WASL: variants seen among roughly 807,000 people sequenced by gnomAD.
WASL encodes actin nucleation-promoting factor WASL.
In WASL, 20 loss-of-function variants were observed where a neutral mutation model predicts 55.5. That is an observed-to-expected ratio of 0.36 (90% CI 0.25 to 0.52). The LOEUF is 0.52. Among genes scored for constraint, WASL ranks in the 20% least tolerant of loss-of-function variants. WASL has a pLI of 0.92. For synonymous variants in WASL, 249 were observed against 217.6 expected, an observed-to-expected ratio of 1.14 and a Z score of -1.27; for missense variants, 504 against 622.5, an observed-to-expected ratio of 0.81 and a Z score of 2.03.
intron 1 of WASL, among the ~76,000 whole-genome samples, chr7:123,724,576 C>G (rs952913314): frequency 6.6e-6 from 1 of 152,172 alleles, no homozygotes; most frequent in Non-Finnish European, 1.5e-5. Flanking sequence ...GCCACATGCT[C>G]TTGAACTGTT....
chr7:123,730,636 A>G (rs1584871489), intron 1 of WASL, among the ~76,000 whole-genome samples: 1 of 152,320 alleles, frequency 6.6e-6, no homozygotes, highest in Non-Finnish European at 1.5e-5. Context: ...TGGGAGAAAA[A>G]GAAAAGACTA....
chr7:123,722,367 C>T (rs1235211658), intron 1 of WASL, among the ~76,000 whole-genome samples: 1 of 152,122 alleles, frequency 6.6e-6, no homozygotes, highest in South Asian at 2.1e-4. Flanking sequence ...TTTAAAGAAT[C>T]GTATTTATTC....
chr7:123,748,089 C>A (rs1804469316), intron 1 of WASL, among the ~76,000 whole-genome samples: 2 of 151,374 alleles, frequency 1.3e-5, no homozygotes, highest in African/African-American at 4.9e-5. Context: ...TTCTTGCACC[C>A]TCTCTAATCC....
At chr7:123,724,646 ATTGAAC>A (rs1315972588) in intron 1 of WASL, among the ~76,000 whole-genome samples, 20 of 152,176 alleles carry the variant, frequency 1.3e-4, no homozygotes, top group Non-Finnish European at 2.5e-4. Context: ...CATTTGCCGG[ATTGAAC>A]TGAGAGGGGT....
At chr7:123,694,606 A>T in intron 8 of WASL, 109 bp downstream of exon 8, 1 of 1,174,230 alleles carries the variant, frequency 8.5e-7, no homozygotes, top group Non-Finnish European at 1.2e-6. Context: ...CATAGACTTC[A>T]ACATTCTGCT....
At chr7:123,716,688 G>A (rs1803848106) in intron 1 of WASL, among the ~76,000 whole-genome samples, 1 of 151,938 alleles carries the variant, frequency 6.6e-6, no homozygotes. Flanking sequence ...AGGAAGGAAG[G>A]GGGAGAGAAA....
At chr7:123,696,519 T>G in intron 6 of WASL, 60 bp downstream of exon 6, 1 of 1,412,842 alleles carries the variant, frequency 7.1e-7, no homozygotes, top group Non-Finnish European at 9.3e-7. Context: ...AAGTTAAAAA[T>G]CAAGAACAGC....
At chr7:123,704,698 T>G (rs780547299) in intron 4 of WASL, 41 bp from the exon 5 acceptor site, 1 of 1,279,206 alleles carries the variant, frequency 7.8e-7, no homozygotes, top group East Asian at 2.7e-5. Flanking sequence ...TAAATATATG[T>G]AAGACAACAT....
Position 123,709,301 on chromosome 7 carries a change from G to A in WASL, c.118-78C>T, listed in dbSNP as rs1354663871. ...CATAGCCCCTGCTGACAGCTTGACC[G>A]CAACCACCCAGCTAAGCTGCTCCTA... On this transcript the variant is annotated intron_variant, in intron 1 of 10. Coordinates refer to ENST00000223023, the MANE Select transcript of WASL (RefSeq NM_003941.4). 44 of 1,259,060 alleles carry A rather than the reference G, an allele frequency of 3.5e-5. No individual in the cohort carries two copies. The South Asian group carries it at 5.0e-4, about 14-fold the overall frequency. 78.0% of individuals were successfully genotyped at this position (1,259,060 alleles called of 1,614,324 possible).
chr7:123,695,680 A>T, intron 7 of WASL, 143 bp downstream of exon 7: 1 of 701,746 alleles, frequency 1.4e-6, no homozygotes, highest in Non-Finnish European at 2.3e-6. Context: ...ATATGGTTTT[A>T]AACCTCAGTT....
At chr7:123,745,427 T>C (rs183531329) in intron 1 of WASL, among the ~76,000 whole-genome samples, 12 of 152,294 alleles carry the variant, frequency 7.9e-5, no homozygotes, top group Admixed American at 5.9e-4. Context: ...AGTTGTGAAA[T>C]GTACACTGGT....
At chr7:123,694,688 A>G in intron 8 of WASL, 27 bp downstream of exon 8, 1 of 1,609,046 alleles carries the variant, frequency 6.2e-7, no homozygotes, top group Non-Finnish European at 8.5e-7. Context: ...AAAACAAAAC[A>G]GAACGCTGAA....
chr7:123,722,358 T>C (rs1262174711), intron 1 of WASL, among the ~76,000 whole-genome samples: 1 of 152,116 alleles, frequency 6.6e-6, no homozygotes, highest in Non-Finnish European at 1.5e-5. Flanking sequence ...TAAAAATAAT[T>C]TAAAGAATCG....
At chr7:123,737,622 C>T (rs543821545) in intron 1 of WASL, among the ~76,000 whole-genome samples, 1 of 135,476 alleles carries the variant, frequency 7.4e-6, no homozygotes, top group South Asian at 2.5e-4. Context: ...AAAAGCATTT[C>T]ATATGGGAGA....
Position 123,723,987 on chromosome 7 carries a change from T to C in WASL, c.118-14764A>G, listed in dbSNP as rs538549404. ...TGAGAAATGACACACTTTTTCATTA[T>C]ATGTATATGCTGTTATATACAAGTA... On this transcript the variant is annotated intron_variant, in intron 1 of 10. Transcript: ENST00000223023. 1.9e-4 allele frequency among the ~76,000 whole-genome samples: 29 copies of C among 152,350 alleles called. No homozygotes were observed. In the Middle Eastern group the frequency reaches 0.01, roughly 54 times the overall value.
chr7:123,696,357 G>C (rs1431913393), intron 6 of WASL, among the ~76,000 whole-genome samples: 1 of 148,824 alleles, frequency 6.7e-6, no homozygotes, highest in Non-Finnish European at 1.5e-5. Context: ...TTTTCTCATA[G>C]TTGAAAAAGT....
intron 1 of WASL, among the ~76,000 whole-genome samples, chr7:123,736,740 A>C (rs1247977719): frequency 1.3e-5 from 2 of 152,242 alleles, no homozygotes; most frequent in Non-Finnish European, 2.9e-5. Context: ...GAAGAAAACA[A>C]GACAAATAAT....
intron 1 of WASL, among the ~76,000 whole-genome samples, chr7:123,732,998 T>C (rs761092373): frequency 1.3e-5 from 2 of 152,012 alleles, no homozygotes; most frequent in Non-Finnish European, 2.9e-5. Context: ...ATCTCAAAAA[T>C]AGCAGGGAAC....
intron 5 of WASL, among the ~76,000 whole-genome samples, chr7:123,702,951 G>A (rs1490385893): frequency 6.6e-6 from 1 of 152,008 alleles, no homozygotes; most frequent in African/African-American, 2.4e-5. Context: ...TGTTTCGATG[G>A]CACCACTAGA....
Sources: gnomAD v4.1 joint callset for allele counts (sites outside exome capture counted in the v4.1 genomes callset) on GRCh38, gnomAD v4.1.1 for gene constraint, MANE v1.5 for transcripts, NCBI Gene and HGNC (gene_info 2026-07-23, HGNC 2026-07-21) for gene names.